UPF2: variants seen among roughly 807,000 people sequenced by gnomAD.
The protein encoded by UPF2 is regulator of nonsense transcripts 2.
A neutral mutation model predicts 141.4 loss-of-function variants in UPF2; 17 were observed. That is an observed-to-expected ratio of 0.12 (90% confidence interval 0.08 to 0.18). The LOEUF is 0.18. Among genes scored for constraint, UPF2 ranks in the 10% least tolerant of loss-of-function variants. The pLI is 1.00. For missense variants in UPF2, 1,152 were observed against 1,515.9 expected, an observed-to-expected ratio of 0.76 and a Z score of 3.99; for synonymous variants, 540 against 498.0, an observed-to-expected ratio of 1.08 and a Z score of -1.12.
intron 8 of UPF2, among the ~76,000 whole-genome samples, chr10:11,987,850 G>A (rs1237282819): frequency 6.7e-6 from 1 of 148,662 alleles, no homozygotes; most frequent in African/African-American, 2.5e-5. Flanking sequence ...ATTTAATGAA[G>A]GAAGAATGCA....
chr10:11,956,205 C>A lies in UPF2; in HGVS notation c.2574+115G>T. On this transcript the variant is annotated intron_variant, in intron 13 of 21. Transcript: ENST00000357604. The surrounding 1 kb of genome is among the most constrained non-coding windows in gnomAD (Gnocchi z 4.2). ...GAAATTCTTATAAAATGATTATCAG[C>A]TTTTTCTAACTAATAAATTTACAGA... The A allele has an allele frequency of 1.0e-6, 1 of 967,564 alleles. No individual in the cohort carries two copies. Among genetic ancestry groups the A allele is most frequent in the Non-Finnish European group, 1.6e-6 (1 of 645,042 alleles). The allele number at this position is 967,564 out of a possible 1,614,324, so 59.9% of individuals were successfully genotyped here. A position where few individuals can be genotyped will look rare whatever the true frequency, so the allele number is the denominator to read the frequency against.
intron 3 of UPF2, among the ~76,000 whole-genome samples, chr10:12,023,796 T>C (rs1008860443): frequency 2.3e-4 from 35 of 151,450 alleles, no homozygotes; most frequent in Admixed American, 4.6e-4. Flanking sequence ...TTTGGGACCA[T>C]CCTGGGCAAC....
intron 21 of UPF2, chr10:11,923,379 T>A (rs1008456080): frequency 6.6e-6 from 1 of 152,200 alleles, no homozygotes; most frequent in Non-Finnish European, 1.5e-5. Flanking sequence ...AGACCTCATC[T>A]CTACTAAAAA....
intron 21 of UPF2, among the ~76,000 whole-genome samples, chr10:11,927,201 T>C (rs1006569262): frequency 6.6e-6 from 1 of 152,054 alleles, no homozygotes; most frequent in South Asian, 2.1e-4. Flanking sequence ...ATGCCCCTTA[T>C]GTCATCCAAC....
At chr10:12,039,888 G>T (rs995178357) in intron 1 of UPF2, among the ~76,000 whole-genome samples, 6 of 151,984 alleles carry the variant, frequency 3.9e-5, no homozygotes, top group Non-Finnish European at 8.8e-5. Context: ...CCAAAGTTCT[G>T]GGATTTACAG....
At chr10:11,955,612 A>G (rs1225456590) in intron 13 of UPF2, 105 bp from the exon 14 acceptor site, 1 of 1,121,528 alleles carries the variant, frequency 8.9e-7, no homozygotes, top group Admixed American at 2.8e-5. Flanking sequence ...CTGAAAGAAC[A>G]CTGAATAGAG....
rs55727754 is a variant in UPF2 at position 11,938,856 on chromosome 10, T to G, written c.3379-2144A>C. 5.2e-3 allele frequency among the ~76,000 whole-genome samples: 348 copies of G among 66,972 alleles called. 4 individuals are homozygous for G. Among genetic ancestry groups the G allele is most frequent in the African/African-American group, 0.02 (320 of 16,272 alleles). 43.9% of individuals were successfully genotyped at this position (66,972 alleles called of 152,430 possible). On this transcript the variant is annotated intron_variant, in intron 18 of 21. Transcript: ENST00000357604. ...GTCTTAAGCAAGTTTTTTTTTTGTT[T>G]TTTTTTTTTTTTTTTTTTTTTTTTT...
intron 21 of UPF2, among the ~76,000 whole-genome samples, chr10:11,923,612 G>A (rs529686065): frequency 7.3e-5 from 11 of 151,070 alleles, no homozygotes; most frequent in East Asian, 2.0e-4. Flanking sequence ...CCCGGGAGGC[G>A]GAGGTTGCAG....
intron 4 of UPF2, among the ~76,000 whole-genome samples, chr10:12,011,297 T>A (rs1202430011): frequency 6.6e-6 from 1 of 152,180 alleles, no homozygotes. Context: ...GCCAAAAAGA[T>A]CTTTTAAAAA....
chr10:11,930,289 A>G (rs1484158603), intron 20 of UPF2, among the ~76,000 whole-genome samples: 19 of 152,220 alleles, frequency 1.2e-4, no homozygotes, highest in Admixed American at 1.2e-3. Context: ...TCGTGTGTAG[A>G]GCGAGACTAC....
chr10:11,988,387 C>T (rs1464938075), intron 8 of UPF2, among the ~76,000 whole-genome samples: 1 of 152,192 alleles, frequency 6.6e-6, no homozygotes, highest in Non-Finnish European at 1.5e-5. Context: ...GACCAGAGTG[C>T]ACGAACTTCA....
Position 11,956,634 on chromosome 10 carries a change from CA to C in UPF2, c.2371-112del, listed in dbSNP as rs111611165. ...CAGAGAACTTTTGAAATAGAAAATA[CA>C]TTAGAAATCCTCTATCGGCCTCTTC... is the stretch of plus-strand genomic sequence containing the variant. On this transcript the variant is annotated intron_variant, in intron 12 of 21. Coordinates refer to ENST00000357604, the MANE Select transcript of UPF2 (RefSeq NM_015542.4). The surrounding 1 kb of genome is among the most constrained non-coding windows in gnomAD (Gnocchi z 4.2). The C allele has an allele frequency of 5.3e-5, 48 of 913,302 alleles. No homozygotes were observed. In the African/African-American group the frequency reaches 6.9e-4, roughly 13 times the overall value. The allele number at this position is 913,302 out of a possible 1,614,324, so 56.6% of individuals were successfully genotyped here. A position where few individuals can be genotyped will look rare whatever the true frequency, so the allele number is the denominator to read the frequency against.
intron 1 of UPF2, among the ~76,000 whole-genome samples, chr10:12,041,688 G>A (rs1834736523): frequency 1.3e-5 from 2 of 152,132 alleles, no homozygotes; most frequent in Admixed American, 6.6e-5. Flanking sequence ...AACAGCACAG[G>A]AACACTATCT....
At position 11,956,196 on chromosome 10, in the gene UPF2, G is replaced by T; in HGVS notation, c.2574+124C>A. 158 of 797,954 alleles carry T rather than the reference G, an allele frequency of 2.0e-4. No individual in the cohort carries two copies. The highest frequency in any genetic ancestry group is 2.9e-4 in the Non-Finnish European group (146 of 501,716). The allele number at this position is 797,954 out of a possible 1,614,324, so 49.4% of individuals were successfully genotyped here. On this transcript the variant is annotated intron_variant, in intron 13 of 21. Transcript: ENST00000357604. This position sits in a 1 kb window ranked among gnomAD's most constrained non-coding sequence, Gnocchi z 4.2. ...TGTTTACAGGAAATTCTTATAAAAT[G>T]ATTATCAGCTTTTTCTAACTAATAA...
At chr10:11,927,082 C>T (rs1216701050) in intron 21 of UPF2, among the ~76,000 whole-genome samples, 1 of 152,202 alleles carries the variant, frequency 6.6e-6, no homozygotes, top group African/African-American at 2.4e-5. Flanking sequence ...TACCCATACT[C>T]GGCTTCCCTA....
intron 16 of UPF2, among the ~76,000 whole-genome samples, chr10:11,943,883 T>TG (rs1832967343): frequency 6.6e-6 from 1 of 151,326 alleles, no homozygotes; most frequent in Non-Finnish European, 1.5e-5. Context: ...AAACAGAAGA[T>TG]GGGGCAGAGC....
At chr10:12,025,475 C>T (rs1041292875) in intron 3 of UPF2, among the ~76,000 whole-genome samples, 8 of 151,854 alleles carry the variant, frequency 5.3e-5, no homozygotes, top group East Asian at 3.9e-4. Context: ...TGCTTTAACC[C>T]GGGAGGCAAA....
At chr10:11,995,793 G>T (rs932453357) in intron 8 of UPF2, among the ~76,000 whole-genome samples, 4 of 151,978 alleles carry the variant, frequency 2.6e-5, no homozygotes, top group Non-Finnish European at 5.9e-5. Context: ...AAAAAAAAGA[G>T]GTTTTACCAA....
intron 8 of UPF2, among the ~76,000 whole-genome samples, chr10:11,994,975 C>CAAAAAAAAAAAAAAAAAAAAAAAAAAA (rs60922532): frequency 1.9e-5 from 1 of 51,360 alleles, no homozygotes; most frequent in Non-Finnish European, 3.0e-5. Context: ...GACTCCATCT[C>CAAAAAAAAAAAAAAAAAAAAAAAAAAA]AAAAAAAAAA....
Sources: gnomAD v4.1 joint callset for allele counts (sites outside exome capture counted in the v4.1 genomes callset) on GRCh38, gnomAD v4.1.1 for gene constraint, Gnocchi (gnomAD v3.1) non-coding constraint, MANE v1.5 for transcripts, NCBI Gene and HGNC (gene_info 2026-07-23, HGNC 2026-07-21) for gene names.